Variants in MIPOL1 observed in about 807,000 individuals in gnomAD.
The protein encoded by MIPOL1 is mirror-image polydactyly 1.
MIPOL1 carries 57 observed loss-of-function variants against 60.9 expected under a neutral mutation model. The observed-to-expected ratio is 0.94, with a 90% CI of 0.76 to 1.17. The LOEUF (loss-of-function observed/expected upper bound fraction) is 1.17. Ranked by LOEUF, MIPOL1 falls within the 50% of genes most tolerant of loss-of-function variation. The probability of loss-of-function intolerance (pLI) is 0.00; values close to 1 mark genes in which losing one functional copy is unlikely to be tolerated. For missense variants in MIPOL1, 551 were observed against 511.6 expected, an observed-to-expected ratio of 1.08 and a Z score of -0.74; for synonymous variants, 179 against 168.8, an observed-to-expected ratio of 1.06 and a Z score of -0.47.
At chr14:37,468,061 A>G (rs1481318473) in intron 11 of MIPOL1, among the ~76,000 whole-genome samples, 6 of 151,872 alleles carry the variant, frequency 4.0e-5, no homozygotes, top group Non-Finnish European at 7.4e-5. Context: ...CTCAAAAAAA[A>G]AAAAAAAAAG....
chr14:37,447,211 G>A (rs1252608017), intron 11 of MIPOL1, among the ~76,000 whole-genome samples: 1 of 152,052 alleles, frequency 6.6e-6, no homozygotes, highest in Non-Finnish European at 1.5e-5. Context: ...AAGTGGATAT[G>A]TAAATAATTA....
intron 6 of MIPOL1, among the ~76,000 whole-genome samples, chr14:37,279,066 T>C (rs2083894291): frequency 1.3e-5 from 2 of 151,472 alleles, no homozygotes; most frequent in East Asian, 3.9e-4. Context: ...ACCCAATGAT[T>C]TGTTTTACCT....
intron 10 of MIPOL1, among the ~76,000 whole-genome samples, chr14:37,377,746 C>CTTTTTT (rs370238755): frequency 8.3e-6 from 1 of 120,974 alleles, no homozygotes; most frequent in South Asian, 2.7e-4. Flanking sequence ...ATTTTTATGC[C>CTTTTTT]TTTTTTTTTT....
chr14:37,523,594 CATAATT>C (rs2153632408), intron 12 of MIPOL1: 3 of 397,318 alleles, frequency 7.6e-6, no homozygotes. Flanking sequence ...ATTTTTCTGT[CATAATT>C]ATAATAGTTA....
chr14:37,505,429 G>C (rs535830038), intron 12 of MIPOL1: 2 of 152,164 alleles, frequency 1.3e-5, no homozygotes, highest in African/African-American at 4.8e-5. Context: ...CTTCATCCCT[G>C]GGATGCAAGC....
In MIPOL1 at chr14:37,547,654, T is replaced by C. The variant is rs1295350406; in HGVS notation, c.*683T>C. The C allele has an allele frequency of 6.6e-6, 1 of 152,642 alleles. No individual in the cohort carries two copies. The highest frequency in any genetic ancestry group is 1.5e-5 in the Non-Finnish European group (1 of 68,006). 9.5% of individuals were successfully genotyped at this position (152,642 alleles called of 1,614,324 possible). A position where few individuals can be genotyped will look rare whatever the true frequency, so the allele number is the denominator to read the frequency against. ...ATAAAAAGAGGAGACTGTTAATGTG[T>C]ACTTATAAATTCACATTGTCAGTAT... On this transcript the variant is annotated 3_prime_UTR_variant, in exon 13 of 13. Coordinates refer to ENST00000684589, the MANE Select transcript of MIPOL1 (RefSeq NM_001388067.1).
chr14:37,289,327 T>G (rs2084854423), intron 7 of MIPOL1, among the ~76,000 whole-genome samples: 1 of 152,210 alleles, frequency 6.6e-6, no homozygotes, highest in South Asian at 2.1e-4. Context: ...AATTAAATTC[T>G]GACACTATCT....
intron 3 of MIPOL1, among the ~76,000 whole-genome samples, chr14:37,252,102 C>T (rs1040149553): frequency 6.6e-6 from 1 of 151,344 alleles, no homozygotes; most frequent in African/African-American, 2.4e-5. Context: ...AGCTTTTGAC[C>T]AAAACCTTTC....
At chr14:37,291,388 G>C (rs1215927216) in intron 7 of MIPOL1, among the ~76,000 whole-genome samples, 1 of 151,894 alleles carries the variant, frequency 6.6e-6, no homozygotes, top group Non-Finnish European at 1.5e-5. Context: ...CCTTTATGTT[G>C]GTAATACCAA....
intron 11 of MIPOL1, among the ~76,000 whole-genome samples, chr14:37,479,521 G>A (rs1391949228): frequency 6.6e-6 from 1 of 151,964 alleles, no homozygotes; most frequent in African/African-American, 2.4e-5. Flanking sequence ...ACATACCAAA[G>A]CTTATGGTGT....
At chr14:37,360,091 T>C (rs1347372010) in intron 9 of MIPOL1, among the ~76,000 whole-genome samples, 4 of 152,208 alleles carry the variant, frequency 2.6e-5, no homozygotes, top group South Asian at 4.1e-4. Flanking sequence ...GTGGTTTTTG[T>C]CATTGGTTCT....
At chr14:37,211,982 C>A (rs560296681) in intron 1 of MIPOL1, among the ~76,000 whole-genome samples, 1 of 152,192 alleles carries the variant, frequency 6.6e-6, no homozygotes, top group African/African-American at 2.4e-5. Flanking sequence ...AGGGAACTCA[C>A]TGCCTTGAAG....
chr14:37,488,662 G>C (rs537659848), intron 11 of MIPOL1, among the ~76,000 whole-genome samples: 63 of 152,260 alleles, frequency 4.1e-4, no homozygotes, highest in Non-Finnish European at 7.6e-4. Flanking sequence ...GCATTTGCTT[G>C]TCTGTAAAGG....
intron 9 of MIPOL1, among the ~76,000 whole-genome samples, chr14:37,363,802 C>T (rs2092372712): frequency 6.6e-6 from 1 of 152,176 alleles, no homozygotes; most frequent in Non-Finnish European, 1.5e-5. Context: ...GTTCAAGTTT[C>T]CTGGCCGCTT....
At position 37,308,643 on chromosome 14, in the gene MIPOL1, A is replaced by G. The variant is rs1010687136; in HGVS notation, c.828+124A>G. 1.1e-5 allele frequency: 6 copies of G among 527,348 alleles called. No individual in the cohort carries two copies. The South Asian group carries it at 2.5e-4, about 22-fold the overall frequency. The allele number at this position is 527,348 out of a possible 1,614,324, so 32.7% of individuals were successfully genotyped here. A position where few individuals can be genotyped will look rare whatever the true frequency, so the allele number is the denominator to read the frequency against. ...CATTAATTTTTAGCACATAATTAATACCACAGTGATTAGCTATATTAAAAT... is the reference window on the plus strand; with the variant it reads ...CATTAATTTTTAGCACATAATTAATGCCACAGTGATTAGCTATATTAAAAT... On this transcript the variant is annotated intron_variant, in intron 9 of 12. Transcript: ENST00000684589.
intron 9 of MIPOL1, among the ~76,000 whole-genome samples, chr14:37,314,476 A>C (rs1262304311): frequency 1.3e-5 from 2 of 152,184 alleles, no homozygotes; most frequent in Admixed American, 1.3e-4. Context: ...TGGAAAGTGC[A>C]TTGGTCTGTT....
intron 1 of MIPOL1, among the ~76,000 whole-genome samples, chr14:37,218,723 G>A (rs1968190969): frequency 6.6e-6 from 1 of 151,900 alleles, no homozygotes; most frequent in Non-Finnish European, 1.5e-5. Context: ...GATCACTTGA[G>A]CCCAGGAATT....
At chr14:37,348,925 T>G (rs1441917703) in intron 9 of MIPOL1, among the ~76,000 whole-genome samples, 1 of 150,724 alleles carries the variant, frequency 6.6e-6, no homozygotes, top group African/African-American at 2.4e-5. Flanking sequence ...GCCTCCTGTG[T>G]TCAAGGGATT....
At position 37,495,456 on chromosome 14, in the gene MIPOL1, G is replaced by T. The variant is rs1447621503; in HGVS notation, c.1032-4452G>T. Among the ~76,000 whole-genome samples the T allele has an allele frequency of 2.7e-5, 4 of 150,542 alleles. No individual in the cohort carries two copies. In the East Asian group the frequency reaches 7.9e-4, roughly 30 times the overall value. On this transcript the variant is annotated intron_variant, in intron 11 of 12. Coordinates refer to ENST00000684589, the MANE Select transcript of MIPOL1 (RefSeq NM_001388067.1). Reference sequence around the variant, plus strand: ...TCATCCATGTCCCTACAAAGGACATGAACTCATCCTTTTTTATGGCTGCAT... The same window carrying T: ...TCATCCATGTCCCTACAAAGGACATTAACTCATCCTTTTTTATGGCTGCAT...
Sources: gnomAD v4.1 joint callset for allele counts (sites outside exome capture counted in the v4.1 genomes callset) on GRCh38, gnomAD v4.1.1 for gene constraint, MANE v1.5 for transcripts, NCBI Gene and HGNC (gene_info 2026-07-23, HGNC 2026-07-21) for gene names.